CFAP95: variants seen among roughly 807,000 people sequenced by gnomAD.
CFAP95 encodes the protein cilia and flagella associated protein 95.
At chr9:69,840,860 G>A in the CFAP95 span, among the ~76,000 whole-genome samples, 1 of 152,130 alleles carries the variant, frequency 6.6e-6, no homozygotes, top group Non-Finnish European at 1.5e-5. Context: ...CGGCAGGCAC[G>A]AGGAAATGCC....
chr9:69,838,718 C>T, the CFAP95 span, among the ~76,000 whole-genome samples: 4 of 149,034 alleles, frequency 2.7e-5, no homozygotes, highest in South Asian at 6.5e-4. Flanking sequence ...ATTGAATACC[C>T]TTTATTTCCT....
the CFAP95 span, among the ~76,000 whole-genome samples, chr9:69,891,160 G>C: frequency 6.6e-6 from 1 of 152,116 alleles, no homozygotes; most frequent in Non-Finnish European, 1.5e-5. Flanking sequence ...ACAATACATG[G>C]ACAAGGCGTC....
chr9:69,845,156 T>C, the CFAP95 span, among the ~76,000 whole-genome samples: 1 of 152,224 alleles, frequency 6.6e-6, no homozygotes, highest in Non-Finnish European at 1.5e-5. Flanking sequence ...ATTAACAGTG[T>C]CATAATGTTT....
At chr9:69,858,195 G>A in the CFAP95 span, 3 of 517,500 alleles carry the variant, frequency 5.8e-6, no homozygotes, top group East Asian at 3.4e-5. Context: ...TGCAGATCCT[G>A]TATTTGTAAA....
At chr9:69,868,483 C>A in the CFAP95 span, among the ~76,000 whole-genome samples, 8 of 151,954 alleles carry the variant, frequency 5.3e-5, no homozygotes, top group South Asian at 2.1e-4. Context: ...CATGGTGAAA[C>A]CCCGTCTCTA....
At chr9:69,858,081 T>A in the CFAP95 span, 2 of 1,022,810 alleles carry the variant, frequency 2.0e-6, no homozygotes, top group East Asian at 4.9e-5. Flanking sequence ...GTCAACAAAA[T>A]GCCCTTTACA....
the CFAP95 span, among the ~76,000 whole-genome samples, chr9:69,855,881 A>G: frequency 1.3e-5 from 2 of 152,194 alleles, no homozygotes; most frequent in Non-Finnish European, 2.9e-5. Flanking sequence ...CTGAGGCTTC[A>G]TGAATATCTT....
the CFAP95 span, among the ~76,000 whole-genome samples, chr9:69,890,002 T>G: frequency 6.6e-6 from 1 of 152,276 alleles, no homozygotes; most frequent in South Asian, 2.1e-4. Context: ...TCTAGGTGAT[T>G]TTCTTCATCT....
chr9:69,829,121 G>A, the CFAP95 span, among the ~76,000 whole-genome samples: 1 of 152,142 alleles, frequency 6.6e-6, no homozygotes, highest in Non-Finnish European at 1.5e-5. Context: ...GTTCTACAAC[G>A]GTGGATCCTA....
chr9:69,838,442 C>T, the CFAP95 span, among the ~76,000 whole-genome samples: 2 of 151,036 alleles, frequency 1.3e-5, no homozygotes, highest in East Asian at 2.0e-4. Context: ...TGAAGAGGTC[C>T]TTCACATCCC....
the CFAP95 span, among the ~76,000 whole-genome samples, chr9:69,864,921 A>C: frequency 1.3e-5 from 2 of 152,186 alleles, no homozygotes; most frequent in Admixed American, 6.5e-5. Context: ...CTCCAGAAGA[A>C]AAAAAGCTTC....
At chr9:69,877,582 C>A in the CFAP95 span, among the ~76,000 whole-genome samples, 1 of 152,246 alleles carries the variant, frequency 6.6e-6, no homozygotes, top group South Asian at 2.1e-4. Flanking sequence ...TTTGATTATG[C>A]TTTCTAATTT....
At chr9:69,875,252 C>T in the CFAP95 span, among the ~76,000 whole-genome samples, 1 of 151,850 alleles carries the variant, frequency 6.6e-6, no homozygotes, top group Non-Finnish European at 1.5e-5. Flanking sequence ...AAGGCAATCA[C>T]AAAGAGTTGG....
At chr9:69,875,710 A>G in the CFAP95 span, among the ~76,000 whole-genome samples, 2 of 152,308 alleles carry the variant, frequency 1.3e-5, no homozygotes, top group African/African-American at 2.4e-5. Context: ...TAACACAAAC[A>G]TATTTTAAGA....
the CFAP95 span, among the ~76,000 whole-genome samples, chr9:69,864,492 T>C: frequency 6.6e-6 from 1 of 152,124 alleles, no homozygotes; most frequent in Non-Finnish European, 1.5e-5. Flanking sequence ...ATTTGGAAAA[T>C]GAGGGGATTG....
At chr9:69,882,102 C>T in the CFAP95 span, among the ~76,000 whole-genome samples, 1 of 152,008 alleles carries the variant, frequency 6.6e-6, no homozygotes, top group Non-Finnish European at 1.5e-5. Context: ...CCTGCCTCAG[C>T]CACCTGAATA....
At chr9:69,858,077 A>C in the CFAP95 span, 1 of 1,069,238 alleles carries the variant, frequency 9.4e-7, no homozygotes, top group Non-Finnish European at 1.4e-6. Context: ...CAAGGTCAAC[A>C]AAATGCCCTT....
chr9:69,842,413 C>T, the CFAP95 span, among the ~76,000 whole-genome samples: 17 of 152,266 alleles, frequency 1.1e-4, no homozygotes, highest in African/African-American at 2.9e-4. Flanking sequence ...ACCAATATTC[C>T]GGTTTTTCCT....
At chr9:69,881,813 AT>A in the CFAP95 span, among the ~76,000 whole-genome samples, 1 of 152,162 alleles carries the variant, frequency 6.6e-6, no homozygotes, top group East Asian at 1.9e-4. Context: ...ATATTTTTCC[AT>A]TTTGTGGTGT....
Sources: allele counts gnomAD v4.1 joint callset (sites outside exome capture counted in the v4.1 genomes callset), GRCh38; gene constraint gnomAD v4.1.1; transcripts MANE v1.5; gene names NCBI Gene and HGNC (gene_info 2026-07-23, HGNC 2026-07-21).